The following SHANK1 variants were observed in gnomAD, a reference collection of about 807,000 sequenced individuals.
SHANK1 encodes the protein SH3 and multiple ankyrin repeat domains 1.
In SHANK1, 35 loss-of-function variants were observed where a neutral mutation model predicts 165.6. The ratio of observed to expected loss-of-function variants is 0.21; its 90% CI spans 0.16 to 0.28. The LOEUF is 0.28. Ranked by LOEUF, SHANK1 falls within the 10% of genes least tolerant of loss-of-function variation. SHANK1 has a pLI of 1.00. For synonymous variants in SHANK1, 1,428 were observed against 1,384.8 expected (o/e 1.03, Z -0.69); for missense variants, 2,681 against 3,036.4 (o/e 0.88, Z 2.75).
intron 23 of SHANK1, among the ~76,000 whole-genome samples, chr19:50,665,771 T>C (rs914888616): frequency 1.8e-4 from 23 of 124,990 alleles, no homozygotes; most frequent in African/African-American, 5.9e-4. Context: ...TGTTGGCTCA[T>C]GCCTGTAATC....
intron 15 of SHANK1, among the ~76,000 whole-genome samples, chr19:50,693,301 C>G (rs1986603040): frequency 6.7e-6 from 1 of 148,676 alleles, no homozygotes; most frequent in African/African-American, 2.5e-5. Context: ...CCACCCCTCC[C>G]CCACTTCAGT....
At position 50,688,816 on chromosome 19, in the gene SHANK1, C is replaced by A; in HGVS notation, c.2172+28G>T. Reference sequence around the variant, plus strand: ...GGGTCTGGGAACTTGTCACAGGGTCCCAGGGAAGAGAGGGGGCCTGGACTG... The same window carrying A: ...GGGTCTGGGAACTTGTCACAGGGTCACAGGGAAGAGAGGGGGCCTGGACTG... On this transcript the variant is annotated intron_variant, in intron 17 of 23. Transcript: ENST00000293441. This position sits in a 1 kb window ranked among gnomAD's most constrained non-coding sequence, Gnocchi z 6.7. 9.4e-6 allele frequency: 15 copies of A among 1,600,684 alleles called. No individual in the cohort carries two copies. Among genetic ancestry groups the A allele is most frequent in the Non-Finnish European group, 1.3e-5 (15 of 1,173,192 alleles).
At chr19:50,672,993 A>G (rs1985854092) in intron 21 of SHANK1, among the ~76,000 whole-genome samples, 1 of 151,634 alleles carries the variant, frequency 6.6e-6, no homozygotes, top group South Asian at 2.1e-4. Context: ...TCCCTCACCC[A>G]CTGCTGGGAG....
chr19:50,698,960 G>A (rs1986823837), intron 12 of SHANK1, among the ~76,000 whole-genome samples: 1 of 152,234 alleles, frequency 6.6e-6, no homozygotes, highest in African/African-American at 2.4e-5. Flanking sequence ...TGCCTACCCA[G>A]GTAGGTAACA....
rs184799173 is a variant in SHANK1 at position 50,662,819 on chromosome 19, G to C, written c.5769-137C>G. The C allele has an allele frequency of 5.3e-4, 448 of 843,044 alleles. 3 individuals carry two copies. In the Admixed American group the frequency reaches 6.3e-3, roughly 12 times the overall value. 52.2% of individuals were successfully genotyped at this position (843,044 alleles called of 1,614,324 possible). On this transcript the variant is annotated intron_variant, in intron 23 of 23. Coordinates refer to ENST00000293441, the MANE Select transcript of SHANK1 (RefSeq NM_016148.5). The surrounding 1 kb of genome is among the most constrained non-coding windows in gnomAD (Gnocchi z 7.7). ...GTAGGGGGAGAGACGGAGGAGAGACGGGAAGAAATGGAGGGAGCAAGGGGT... is the reference window on the plus strand; with the variant it reads ...GTAGGGGGAGAGACGGAGGAGAGACCGGAAGAAATGGAGGGAGCAAGGGGT...
rs555805975 is a variant in SHANK1 at position 50,667,425 on chromosome 19, G to A, written c.4535C>T (p.Ser1512Leu). ...APVTSGRGPPSEDGPGVPPPS... is the reference protein window; with the variant it reads ...APVTSGRGPPLEDGPGVPPPS... ...CGGCGGGACCCCCGGCCCGTCCTCC[G>A]AGGGGGGACCCCTTCCGCTCGTCAC... Residue 1512 changes from serine to leucine, a missense_variant, in exon 23 of 24, where the codon TCG becomes TTG. Ser to Leu is a moderately radical substitution (Grantham distance 145). Around this residue, in one of 10 missense-constraint regions of SHANK1, gnomAD observed 1,713 missense variants for 1,630.2 expected, o/e 1.05. Coordinates refer to ENST00000293441, the MANE Select transcript of SHANK1 (RefSeq NM_016148.5). The surrounding 1 kb of genome is among the most constrained non-coding windows in gnomAD (Gnocchi z 5.7). 7.9e-6 allele frequency: 12 copies of A among 1,522,604 alleles called. No homozygotes were observed. In the African/African-American group the frequency reaches 1.1e-4, roughly 14 times the overall value. 94.3% of individuals were successfully genotyped at this position (1,522,604 alleles called of 1,614,324 possible).
In SHANK1 at chr19:50,703,676, A is replaced by AGAGGACGCGGCCCCCGGGGCG; in HGVS notation, c.1356_1376dup (p.Ala453_Ser459dup). On this transcript the variant is annotated inframe_insertion, in exon 11 of 24. Transcript: ENST00000293441. ...ACCCTGAGGTAGGGCCAGGGGCCCCAGAGGACGCGGCCCCCGGGGCGGAGA... is the reference window on the plus strand; with the variant it reads ...ACCCTGAGGTAGGGCCAGGGGCCCCAGAGGACGCGGCCCCCGGGGCGGAGGACGCGGCCCCCGGGGCGGAGA... 6.8e-7 allele frequency: 1 copy of AGAGGACGCGGCCCCCGGGGCG among 1,477,380 alleles called. No homozygotes were observed. Among genetic ancestry groups the AGAGGACGCGGCCCCCGGGGCG allele is most frequent in the Non-Finnish European group, 9.0e-7 (1 of 1,115,558 alleles). 91.5% of individuals were successfully genotyped at this position (1,477,380 alleles called of 1,614,324 possible).
chr19:50,664,810 A>G (rs2123066113), intron 23 of SHANK1, among the ~76,000 whole-genome samples: 1 of 152,242 alleles, frequency 6.6e-6, no homozygotes, highest in East Asian at 1.9e-4. Context: ...GCTGGAGCAC[A>G]GTGGTGCAAT....
intron 21 of SHANK1, among the ~76,000 whole-genome samples, chr19:50,678,298 G>A (rs141376053): frequency 6.6e-6 from 1 of 152,222 alleles, no homozygotes; most frequent in Non-Finnish European, 1.5e-5. Context: ...CAGTCAGGAA[G>A]CACACGGGGA....
At chr19:50,672,866 A>C (rs138442804) in intron 21 of SHANK1, among the ~76,000 whole-genome samples, 1 of 152,006 alleles carries the variant, frequency 6.6e-6, no homozygotes, top group Non-Finnish European at 1.5e-5. Context: ...TTGAAATCCC[A>C]TGTCAGTTAG....
At chr19:50,671,333 G>A (rs1001583001) in intron 22 of SHANK1, among the ~76,000 whole-genome samples, 25 of 150,704 alleles carry the variant, frequency 1.7e-4, no homozygotes, top group African/African-American at 4.9e-4. Flanking sequence ...ACAGGTGCCC[G>A]CCACCACACC....
At chr19:50,687,544 C>A in intron 19 of SHANK1, 38 bp downstream of exon 19, 5 of 1,509,394 alleles carry the variant, frequency 3.3e-6, no homozygotes, top group Non-Finnish European at 2.7e-6. Context: ...TTCCCCTCTC[C>A]CCCCGGCCCC....
In SHANK1 at chr19:50,666,251, G is replaced by C; in HGVS notation, c.5709C>G (p.Asp1903Glu). ...CATAGCTGGCTCCCCCGTGGTGGCT[G>C]TCTCCGCCTCCCCCACTGCCTCCTC... ...WARGGSGGGG[D>E]SHHGGASYVP... The change falls in exon 23 of 24, where the codon GAC becomes GAG. Residue 1903 changes from aspartate to glutamate, a missense_variant. Asp to Glu is a conservative substitution (Grantham distance 45, BLOSUM62 2). Transcript: ENST00000293441. The C allele has an allele frequency of 6.2e-7, 1 of 1,610,094 alleles. No individual in the cohort carries two copies. The highest frequency in any genetic ancestry group is 2.2e-5 in the East Asian group (1 of 44,758).
At chr19:50,678,249 A>G (rs907485027) in intron 21 of SHANK1, among the ~76,000 whole-genome samples, 2 of 152,208 alleles carry the variant, frequency 1.3e-5, no homozygotes, top group African/African-American at 4.8e-5. Flanking sequence ...CTGAGATAAA[A>G]TGGGAGGGGT....
intron 5 of SHANK1, 37 bp downstream of exon 5, chr19:50,714,145 T>A: frequency 6.3e-7 from 1 of 1,594,300 alleles, no homozygotes; most frequent in Admixed American, 1.7e-5. Flanking sequence ...AGCTCTGTCC[T>A]GGCCCTGAGG....
intron 22 of SHANK1, among the ~76,000 whole-genome samples, chr19:50,671,167 AT>A (rs370488165): frequency 6.7e-5 from 6 of 90,080 alleles, no homozygotes; most frequent in East Asian, 5.5e-4. Flanking sequence ...TTACTCCATT[AT>A]TTTTTTTCAC....
chr19:50,691,358 C>G (rs1986532874), intron 15 of SHANK1, among the ~76,000 whole-genome samples: 1 of 152,108 alleles, frequency 6.6e-6, no homozygotes, highest in African/African-American at 2.4e-5. Flanking sequence ...CTCCAAGGCC[C>G]CCCAGCAGCC....
intron 15 of SHANK1, among the ~76,000 whole-genome samples, chr19:50,692,505 GA>G (rs1457911991): frequency 7.1e-6 from 1 of 140,744 alleles, no homozygotes; most frequent in African/African-American, 2.8e-5. Flanking sequence ...CTGAGGCAGG[GA>G]GGGGGGTCCA....
chr19:50,705,608 T>G (rs1240860167), intron 8 of SHANK1, among the ~76,000 whole-genome samples: 1 of 151,958 alleles, frequency 6.6e-6, no homozygotes, highest in Non-Finnish European at 1.5e-5. Context: ...GCATCCCCGG[T>G]CTCTACCACT....
Sources: gnomAD v4.1 joint callset for allele counts (sites outside exome capture counted in the v4.1 genomes callset) on GRCh38, gnomAD v4.1.1 for gene constraint, gnomAD v4.1.1 regional missense constraint, Gnocchi (gnomAD v3.1) non-coding constraint, MANE v1.5 for transcripts, NCBI Gene and HGNC (gene_info 2026-07-23, HGNC 2026-07-21) for gene names.